Variants in BMS1 observed in about 807,000 individuals in gnomAD.
BMS1 encodes the protein ribosome biogenesis protein BMS1 homolog.
A neutral mutation model predicts 138.7 loss-of-function variants in BMS1; 53 were observed. That is an observed-to-expected ratio of 0.38 (90% CI 0.31 to 0.48). The LOEUF (loss-of-function observed/expected upper bound fraction) is 0.48. Ranked by LOEUF, BMS1 falls within the 20% of genes least tolerant of loss-of-function variation. The probability of loss-of-function intolerance (pLI) is 0.97; values close to 1 mark genes in which losing one functional copy is unlikely to be tolerated. For missense variants in BMS1, 1,360 were observed against 1,565.5 expected, an observed-to-expected ratio of 0.87 and a Z score of 2.22; for synonymous variants, 504 against 539.9, an observed-to-expected ratio of 0.93 and a Z score of 0.92.
chr10:42,785,520 T>C lies in BMS1; in HGVS notation c.215T>C (p.Val72Ala), dbSNP rs1284864733. The change falls in exon 3 of 23, where the codon GTG (valine) becomes GCG (alanine). Residue 72 changes from valine to alanine, a missense_variant. Physicochemically the swap from Val to Ala is moderately conservative, Grantham distance 64. This residue lies in a region of BMS1 where 238 missense variants were observed against 311.1 expected (regional missense o/e 0.77). Transcript: ENST00000374518. ...DLKTKKHHIP[V>A]VDRTPLEPPP... ...AAGACAAAAAAGCATCATATTCCAG[T>C]GGTTGATCGAACTCCACTAGAGCCC... The C allele has an allele frequency of 6.2e-7, 1 of 1,613,148 alleles. No individual in the cohort carries two copies. The highest frequency in any genetic ancestry group is 1.7e-5 in the Admixed American group (1 of 59,896).
rs766189453 is a variant in BMS1, at chr10:42,801,130, G to A, written c.2248-1007G>A. Among the ~76,000 whole-genome samples the A allele has an allele frequency of 1.3e-5, 2 of 152,298 alleles. 1 individual carries two copies. Among genetic ancestry groups the A allele is most frequent in the South Asian group, 4.1e-4 (2 of 4,820 alleles). On this transcript the variant is annotated intron_variant, in intron 12 of 22. Transcript: ENST00000374518. ...TTTTAGTAGGAAATGGTATTTCAAC[G>A]TGACAGCCTAGGCATAGGAATGCTA...
chr10:42,806,755 A>T (rs1213071097), intron 13 of BMS1, among the ~76,000 whole-genome samples: 1 of 152,020 alleles, frequency 6.6e-6, no homozygotes, highest in East Asian at 1.9e-4. Flanking sequence ...AAAAAAAAAA[A>T]AAAATCACCT....
intron 13 of BMS1, among the ~76,000 whole-genome samples, chr10:42,809,415 T>C (rs1203664463): frequency 1.7e-5 from 1 of 60,308 alleles, no homozygotes; most frequent in Non-Finnish European, 3.0e-5. Context: ...CTTTTCCTTC[T>C]TTTTTTTTTA....
chr10:42,798,343 A>T, intron 11 of BMS1, 125 bp from the exon 12 acceptor site: 1 of 1,190,100 alleles, frequency 8.4e-7, no homozygotes, highest in Non-Finnish European at 1.2e-6. Context: ...CCATTGCCAT[A>T]CCCACCACAG....
chr10:42,800,163 T>C (rs1379907596), intron 12 of BMS1, among the ~76,000 whole-genome samples: 1 of 152,224 alleles, frequency 6.6e-6, no homozygotes, highest in African/African-American at 2.4e-5. Flanking sequence ...TTTTAAATGT[T>C]ATTTAATCTT....
chr10:42,831,104 G>T lies in BMS1; in HGVS notation c.*8G>T, dbSNP rs748726412. 6.4e-7 allele frequency: 1 copy of T among 1,553,814 alleles called. No individual in the cohort carries two copies. Among genetic ancestry groups the T allele is most frequent in the East Asian group, 2.4e-5 (1 of 41,476 alleles). On this transcript the variant is annotated 3_prime_UTR_variant, in exon 23 of 23. Transcript: ENST00000374518. ...GAGGGCCAATTGCAGTGAGCCTTTG[G>T]ACTGGAGGGACTGTCCCTGGATCTG...
In BMS1 at chr10:42,820,470, T is replaced by A. The variant is rs199673918; in HGVS notation, c.2770-38T>A. ...TTTGGTGCCTGAGGCTCTGTGGATTTCCCCTCCATCAATCATCTTACCCTC... is the reference window on the plus strand; with the variant it reads ...TTTGGTGCCTGAGGCTCTGTGGATTACCCCTCCATCAATCATCTTACCCTC... On this transcript the variant is annotated intron_variant, in intron 16 of 22. Transcript: ENST00000374518. The A allele has an allele frequency of 1.9e-4, 302 of 1,611,482 alleles. 2 individuals are homozygous for A. The Admixed American group carries it at 5.0e-3, about 27-fold the overall frequency.
At chr10:42,790,640 G>C in intron 5 of BMS1, 129 bp downstream of exon 5, 1 of 1,054,618 alleles carries the variant, frequency 9.5e-7, no homozygotes, top group Non-Finnish European at 1.4e-6. Context: ...GATCACTTGA[G>C]CCTAGAGTTT....
intron 13 of BMS1, among the ~76,000 whole-genome samples, chr10:42,811,745 C>G (rs928482555): frequency 2.0e-5 from 3 of 150,130 alleles, no homozygotes; most frequent in Non-Finnish European, 4.4e-5. Context: ...GGGATGGTCT[C>G]GATCTCCTGA....
chr10:42,813,696 A>G (rs1182542545), intron 13 of BMS1, among the ~76,000 whole-genome samples: 1 of 152,192 alleles, frequency 6.6e-6, no homozygotes, highest in East Asian at 1.9e-4. Flanking sequence ...CCTTCTGCAT[A>G]AGAACTTTCT....
intron 19 of BMS1, 79 bp from the exon 20 acceptor site, chr10:42,823,039 G>A: frequency 7.6e-7 from 1 of 1,310,976 alleles, no homozygotes; most frequent in Non-Finnish European, 9.9e-7. Context: ...TTTAATCAAG[G>A]ATGTATGTTT....
intron 13 of BMS1, among the ~76,000 whole-genome samples, chr10:42,815,097 T>C (rs1168257015): frequency 1.3e-5 from 2 of 152,230 alleles, no homozygotes; most frequent in African/African-American, 2.4e-5. Flanking sequence ...TATAATGTGT[T>C]ATCTTCTCTA....
chr10:42,830,333 A>C lies in BMS1; in HGVS notation c.3529A>C (p.Lys1177Gln). 6.2e-7 allele frequency: 1 copy of C among 1,614,098 alleles called. No homozygotes were observed. The highest frequency in any genetic ancestry group is 2.2e-5 in the East Asian group (1 of 44,886). The stretch of plus-strand genomic sequence containing the variant: ...AGCCTTGCAGAAGGCCCTGCCATTT[A>C]AGAACAAGCCCAAGACCCAAGCAAA... ...PKALQKALPF[K>Q]NKPKTQAKAG... Residue 1177 changes from lysine to glutamine, a missense_variant, in exon 22 of 23, where the codon AAG becomes CAG. Around this residue, in one of 3 missense-constraint regions of BMS1, gnomAD observed 425 missense variants for 568.3 expected, o/e 0.75. Transcript: ENST00000374518.
At position 42,793,928 on chromosome 10, in the gene BMS1, C is replaced by A; in HGVS notation, c.1166C>A (p.Ser389Ter). The stretch of plus-strand genomic sequence containing the variant: ...TCCACCATTGATGCCAAGATGGCTT[C>A]AAGTCGAGTGACGCTGTTTTCTGAT... Reference protein sequence around the residue: ...THSTIDAKMASSRVTLFSDSK... With the variant: ...THSTIDAKMA Residue 389 changes from serine (S) to a stop codon, truncating the protein, a stop_gained, in exon 9 of 23, where the codon TCA becomes TAA. Coordinates refer to ENST00000374518, the MANE Select transcript of BMS1 (RefSeq NM_014753.4). LOFTEE classifies it high-confidence loss of function. 1 of 1,611,794 alleles carries A rather than the reference C, an allele frequency of 6.2e-7. No individual in the cohort carries two copies. The highest frequency in any genetic ancestry group is 8.5e-7 in the Non-Finnish European group (1 of 1,179,800).
chr10:42,813,568 G>A (rs933852598), intron 13 of BMS1, among the ~76,000 whole-genome samples: 3 of 152,102 alleles, frequency 2.0e-5, no homozygotes, highest in African/African-American at 7.2e-5. Context: ...GTATTAGGTG[G>A]TGGTATAGTT....
At chr10:42,823,292 C>T (rs1564431257) in intron 20 of BMS1, 27 bp downstream of exon 20, 1 of 1,521,684 alleles carries the variant, frequency 6.6e-7, no homozygotes, top group Non-Finnish European at 8.8e-7. Flanking sequence ...GTGTTCAGGG[C>T]AGGGTGTTAC....
intron 18 of BMS1, among the ~76,000 whole-genome samples, chr10:42,821,318 A>C (rs866909943): frequency 6.6e-6 from 1 of 152,206 alleles, no homozygotes; most frequent in Middle Eastern, 3.4e-3. Flanking sequence ...GCAGCCGTGC[A>C]GGGAGTCCAT....
In BMS1 at chr10:42,787,396, G is replaced by C. The variant is rs1019648041; in HGVS notation, c.447+149G>C. 3 of 699,640 alleles carry C rather than the reference G, an allele frequency of 4.3e-6. No homozygotes were observed. In the African/African-American group the frequency reaches 5.3e-5, roughly 12 times the overall value. The allele number at this position is 699,640 out of a possible 1,614,324, so 43.3% of individuals were successfully genotyped here. Reference sequence around the variant, plus strand: ...ATACGGTAGATATGATTGAATTGATGATAATTATGGTAATAAATGTTGTTA... The same window carrying C: ...ATACGGTAGATATGATTGAATTGATCATAATTATGGTAATAAATGTTGTTA... On this transcript the variant is annotated intron_variant, in intron 4 of 22. Transcript: ENST00000374518.
chr10:42,830,373 C>T lies in BMS1; in HGVS notation c.3569C>T (p.Pro1190Leu), dbSNP rs767262636. ...PKTQAKAGKV[P>L]KDRRRPAVIR... ...ACCCAAGCAAAGGCAGGCAAGGTGC[C>T]AAAGGACAGGCGGAGACCGGCCGTC... The change falls in exon 22 of 23, where the codon CCA becomes CTA. Residue 1190 changes from proline (P) to leucine (L), a missense_variant. Pro to Leu is a moderately conservative substitution (Grantham distance 98, BLOSUM62 -3). Coordinates refer to ENST00000374518, the MANE Select transcript of BMS1 (RefSeq NM_014753.4). The T allele has an allele frequency of 2.5e-6, 4 of 1,613,870 alleles. No homozygotes were observed. Among genetic ancestry groups the T allele is most frequent in the Admixed American group, 3.3e-5 (2 of 59,952 alleles).
Sources: gnomAD v4.1 joint callset for allele counts (sites outside exome capture counted in the v4.1 genomes callset) on GRCh38, gnomAD v4.1.1 for gene constraint, gnomAD v4.1.1 regional missense constraint, MANE v1.5 for transcripts, NCBI Gene and HGNC (gene_info 2026-07-23, HGNC 2026-07-21) for gene names.